Variants in UPP1 observed in about 807,000 individuals in gnomAD.
The protein encoded by UPP1 is uridine phosphorylase 1.
UPP1 carries 25 observed loss-of-function variants against 29.6 expected under a neutral mutation model. The observed-to-expected ratio is 0.85, with a 90% CI of 0.62 to 1.18. UPP1 has a LOEUF of 1.18. UPP1 is among the 50% of genes most tolerant of loss of function. UPP1 has a pLI of 0.00. For missense variants in UPP1, 368 were observed against 410.4 expected (o/e 0.90, Z 0.89); for synonymous variants, 165 against 159.8 (o/e 1.03, Z -0.25).
chr7:48,101,491 G>C (rs978770732), intron 4 of UPP1, among the ~76,000 whole-genome samples: 7 of 152,064 alleles, frequency 4.6e-5, no homozygotes, highest in African/African-American at 1.7e-4. Flanking sequence ...TCAAACCCAG[G>C]CTGTCTCCAC....
chr7:48,092,247 C>T (rs1017853353), intron 2 of UPP1, among the ~76,000 whole-genome samples: 7 of 152,148 alleles, frequency 4.6e-5, no homozygotes, highest in Non-Finnish European at 7.4e-5. Flanking sequence ...TGTTCCTGCC[C>T]CACAGAAACT....
At chr7:48,099,270 T>C (rs570972069) in intron 3 of UPP1, among the ~76,000 whole-genome samples, 1 of 152,390 alleles carries the variant, frequency 6.6e-6, no homozygotes, top group South Asian at 2.1e-4. Flanking sequence ...CTTCTATTTC[T>C]GTTCATATTT....
chr7:48,091,866 T>A (rs1347110166), intron 2 of UPP1, among the ~76,000 whole-genome samples: 1 of 152,208 alleles, frequency 6.6e-6, no homozygotes, highest in Non-Finnish European at 1.5e-5. Flanking sequence ...ATTTCTCTGC[T>A]GATGTGGCCT....
At position 48,107,452 on chromosome 7, in the gene UPP1, TA is replaced by T. The variant is rs1478037950; in HGVS notation, c.739del (p.Ile247SerfsTer27). ...EAAYAAGVRN[I>X]EMESSVFAAM... The stretch of plus-strand genomic sequence containing the variant: ...CAGCCTATGCAGCCGGCGTCCGCAA[TA>T]TCGAGATGGAGTCCTCGGTGTTTGC... On this transcript the variant is annotated frameshift_variant, in exon 8 of 9. Transcript: ENST00000395564. LOFTEE classifies it high-confidence loss of function. 11 of 1,614,008 alleles carry T rather than the reference TA, an allele frequency of 6.8e-6. No homozygotes were observed. The highest frequency in any genetic ancestry group is 1.3e-5 in the African/African-American group (1 of 74,928).
chr7:48,100,051 G>T (rs1792339040), intron 4 of UPP1, among the ~76,000 whole-genome samples: 1 of 152,144 alleles, frequency 6.6e-6, no homozygotes, highest in African/African-American at 2.4e-5. Flanking sequence ...TGGAAATACG[G>T]TCCGAGAAAT....
chr7:48,103,130 A>T (rs1300326374), intron 5 of UPP1, among the ~76,000 whole-genome samples, 167 bp from the exon 6 acceptor site: 1 of 152,226 alleles, frequency 6.6e-6, no homozygotes, highest in Non-Finnish European at 1.5e-5. Context: ...CATACACTTT[A>T]AAGTTTCCCA....
chr7:48,095,405 A>C (rs1450675706), intron 3 of UPP1, among the ~76,000 whole-genome samples: 1 of 148,804 alleles, frequency 6.7e-6, no homozygotes. Flanking sequence ...GCCTCTCCCC[A>C]GTCTTGGTGG....
intron 5 of UPP1, 82 bp from the exon 6 acceptor site, chr7:48,103,215 A>G (rs989326614): frequency 9.7e-7 from 1 of 1,032,948 alleles, no homozygotes. Context: ...TGTTAGATTG[A>G]ATTACATCAC....
chr7:48,099,584 G>A (rs898088102), intron 3 of UPP1, 86 bp from the exon 4 acceptor site: 24 of 909,670 alleles, frequency 2.6e-5, no homozygotes, highest in Non-Finnish European at 3.7e-5. Flanking sequence ...CATGAGCCTC[G>A]TGTCTGACAT....
intron 2 of UPP1, among the ~76,000 whole-genome samples, chr7:48,091,431 T>TA (rs1163609952): frequency 6.6e-6 from 1 of 152,064 alleles, no homozygotes; most frequent in Non-Finnish European, 1.5e-5. Flanking sequence ...GCAGCCCAGG[T>TA]AAAACCAGCA....
In UPP1 at chr7:48,107,491, C is replaced by T. The variant is rs764101169; in HGVS notation, c.777C>T (p.Ser259=). Reference sequence around the variant, plus strand: ...CCTCGGTGTTTGCCGCCATGTGCAGCGCCTGCGGCCTCCAAGGTAAGCGGC... The same window carrying T: ...CCTCGGTGTTTGCCGCCATGTGCAGTGCCTGCGGCCTCCAAGGTAAGCGGC... ...MESSVFAAMC[S]ACGLQAAVVC... The change falls in exon 8 of 9, where the codon AGC becomes AGT. Residue 259 remains serine (S), a synonymous_variant. Transcript: ENST00000395564. 22 of 1,609,696 alleles carry T rather than the reference C, an allele frequency of 1.4e-5. No homozygotes were observed. The highest frequency in any genetic ancestry group is 6.7e-5 in the East Asian group (3 of 44,794).
intron 2 of UPP1, 23 bp downstream of exon 2, chr7:48,090,387 C>G (rs1293171669): frequency 1.3e-5 from 2 of 152,268 alleles, no homozygotes; most frequent in Non-Finnish European, 2.9e-5. Context: ...GAAACACAGT[C>G]TGGGATCCGG....
intron 2 of UPP1, 114 bp from the exon 3 acceptor site, chr7:48,094,649 G>A: frequency 1.2e-6 from 1 of 804,576 alleles, no homozygotes; most frequent in Non-Finnish European, 2.1e-6. Flanking sequence ...ACTTACATCA[G>A]GTGTGTAAGG....
rs1322670335 is a variant in UPP1 at position 48,107,458 on chromosome 7, G to A, written c.744G>A (p.Glu248=). The A allele has an allele frequency of 2.5e-6, 4 of 1,614,036 alleles. No individual in the cohort carries two copies. The highest frequency in any genetic ancestry group is 3.4e-6 in the Non-Finnish European group (4 of 1,179,988). ...AAYAAGVRNI[E]MESSVFAAMC... ...ATGCAGCCGGCGTCCGCAATATCGA[G>A]ATGGAGTCCTCGGTGTTTGCCGCCA... is the stretch of plus-strand genomic sequence containing the variant. Residue 248 remains glutamate (E), a synonymous_variant, in exon 8 of 9, where the codon GAG becomes GAA. Transcript: ENST00000395564.
chr7:48,092,113 G>C (rs906526149), intron 2 of UPP1, among the ~76,000 whole-genome samples: 13 of 152,022 alleles, frequency 8.6e-5, no homozygotes, highest in Non-Finnish European at 1.5e-4. Flanking sequence ...TGGTTCACTG[G>C]GGGGCTGCTC....
intron 3 of UPP1, among the ~76,000 whole-genome samples, 179 bp downstream of exon 3, chr7:48,095,006 A>G (rs991404340): frequency 2.0e-5 from 3 of 151,998 alleles, no homozygotes; most frequent in Admixed American, 2.0e-4. Flanking sequence ...ATGGTTAAAG[A>G]CCTCCGGGGT....
chr7:48,107,587 C>T, intron 8 of UPP1, 80 bp downstream of exon 8: 18 of 1,478,548 alleles, frequency 1.2e-5, no homozygotes, highest in Non-Finnish European at 1.6e-5. Context: ...GGGGCCCCTC[C>T]TCCTGGGGCA....
rs1056029714 is a variant in UPP1 at position 48,107,198 on chromosome 7, C to A, written c.646+116C>A. ...ACTTGCCAGGCTGCTGTCTCAGTTACACTTCGCCCAGAGTGGTTATAATGA... is the reference window on the plus strand; with the variant it reads ...ACTTGCCAGGCTGCTGTCTCAGTTAAACTTCGCCCAGAGTGGTTATAATGA... On this transcript the variant is annotated intron_variant, in intron 7 of 8. Coordinates refer to ENST00000395564, the MANE Select transcript of UPP1 (RefSeq NM_003364.4). The A allele has an allele frequency of 2.1e-6, 3 of 1,434,622 alleles. No individual in the cohort carries two copies. The Admixed American group carries it at 5.7e-5, about 27-fold the overall frequency. 88.9% of individuals were successfully genotyped at this position (1,434,622 alleles called of 1,614,324 possible).
Position 48,108,314 on chromosome 7 carries a change from G to A in UPP1, c.890G>A (p.Arg297Gln), listed in dbSNP as rs1562662406. 4 of 1,614,108 alleles carry A rather than the reference G, an allele frequency of 2.5e-6. No homozygotes were observed. Among genetic ancestry groups the A allele is most frequent in the South Asian group, 1.1e-5 (1 of 91,066 alleles). ...VLSEYQQRPQ[R>Q]LVSYFIKKKL... ...AGCGAGTACCAGCAGAGGCCGCAGC[G>A]GCTGGTGAGCTACTTCATCAAGAAG... is the stretch of plus-strand genomic sequence containing the variant. The change falls in exon 9 of 9, where the codon CGG (arginine) becomes CAG (glutamine). Residue 297 changes from arginine to glutamine, a missense_variant. Arg to Gln is a conservative substitution (Grantham distance 43, BLOSUM62 1). Coordinates refer to ENST00000395564, the MANE Select transcript of UPP1 (RefSeq NM_003364.4).
Sources: allele counts gnomAD v4.1 joint callset (sites outside exome capture counted in the v4.1 genomes callset), GRCh38; gene constraint gnomAD v4.1.1; transcripts MANE v1.5; gene names NCBI Gene and HGNC (gene_info 2026-07-23, HGNC 2026-07-21).